Variants in ARID3B observed in about 807,000 individuals in gnomAD.
The protein encoded by ARID3B is AT-rich interactive domain-containing protein 3B.
A neutral mutation model predicts 51.9 loss-of-function variants in ARID3B; 10 were observed. The observed-to-expected ratio is 0.19, with a 90% confidence interval of 0.12 to 0.33. The LOEUF is 0.33. Ranked by LOEUF, ARID3B falls within the 10% of genes least tolerant of loss-of-function variation. ARID3B has a pLI of 1.00. For missense variants in ARID3B, 483 were observed against 716.3 expected, an observed-to-expected ratio of 0.67 and a Z score of 3.72; for synonymous variants, 205 against 279.5, an observed-to-expected ratio of 0.73 and a Z score of 2.66.
At chr15:74,556,786 T>G (rs887937723) in intron 2 of ARID3B, among the ~76,000 whole-genome samples, 2 of 148,118 alleles carry the variant, frequency 1.4e-5, no homozygotes, top group African/African-American at 5.0e-5. Flanking sequence ...GTTTTTTTTT[T>G]TTTTTTGAGA....
At chr15:74,568,572 A>G (rs1207509666) in intron 2 of ARID3B, among the ~76,000 whole-genome samples, 1 of 152,230 alleles carries the variant, frequency 6.6e-6, no homozygotes, top group African/African-American at 2.4e-5. Context: ...AATCCTTAGT[A>G]TGCAGAAGGC....
intron 2 of ARID3B, among the ~76,000 whole-genome samples, chr15:74,552,945 T>C (rs1282768014): frequency 6.6e-6 from 1 of 152,102 alleles, no homozygotes; most frequent in African/African-American, 2.4e-5. Context: ...TCTGGGTAAA[T>C]ACCAAGAAGC....
intron 4 of ARID3B, among the ~76,000 whole-genome samples, chr15:74,583,712 G>C (rs2061769865): frequency 6.7e-6 from 1 of 149,350 alleles, no homozygotes; most frequent in African/African-American, 2.5e-5. Flanking sequence ...GCGAGACTCT[G>C]TCTCAAAAAA....
At chr15:74,592,418 C>T (rs2061807218) in intron 7 of ARID3B, among the ~76,000 whole-genome samples, 1 of 152,206 alleles carries the variant, frequency 6.6e-6, no homozygotes, top group Non-Finnish European at 1.5e-5. Flanking sequence ...TCAAAGCAAA[C>T]ATGAATGAGA....
intron 2 of ARID3B, among the ~76,000 whole-genome samples, chr15:74,570,441 C>G (rs1472647410): frequency 8.8e-6 from 1 of 113,356 alleles, no homozygotes; most frequent in Non-Finnish European, 1.7e-5. Context: ...ATTCAGAGTG[C>G]TTGGAAGTTA....
intron 2 of ARID3B, among the ~76,000 whole-genome samples, chr15:74,548,556 G>T (rs558708388): frequency 1.3e-5 from 2 of 152,290 alleles, no homozygotes; most frequent in East Asian, 3.9e-4. Context: ...TGTTTTACAA[G>T]ATTTTGTTTT....
Position 74,591,304 on chromosome 15 carries a change from TGCTGCC to T in ARID3B, c.1043_1048del (p.Ala348_Ala349del), listed in dbSNP as rs760995922. ...GCTACTCACCTGCTGCGGCTACTGC[TGCTGCC>T]GCTGCCGGGGCCCCTGCCCTTCTCT... On this transcript the variant is annotated inframe_deletion, in exon 6 of 9. Coordinates refer to ENST00000346246, the MANE Select transcript of ARID3B (RefSeq NM_006465.4). This position sits in a 1 kb window ranked among gnomAD's most constrained non-coding sequence, Gnocchi z 5.8. The T allele has an allele frequency of 6.2e-7, 1 of 1,613,548 alleles. No individual in the cohort carries two copies. The highest frequency in any genetic ancestry group is 1.3e-5 in the African/African-American group (1 of 74,932).
intron 2 of ARID3B, among the ~76,000 whole-genome samples, chr15:74,568,779 C>G (rs555722953): frequency 1.3e-5 from 2 of 152,214 alleles, no homozygotes; most frequent in South Asian, 4.1e-4. Context: ...GCTGAGAAGG[C>G]TGTAAATGGC....
intron 5 of ARID3B, among the ~76,000 whole-genome samples, chr15:74,590,798 AG>A (rs1209830319): frequency 6.6e-6 from 1 of 152,216 alleles, no homozygotes; most frequent in Non-Finnish European, 1.5e-5. Context: ...CTATCTGACT[AG>A]CCCAGCTCTG....
At chr15:74,594,775 CATGCT>C (rs2061818052) in intron 8 of ARID3B, among the ~76,000 whole-genome samples, 1 of 152,208 alleles carries the variant, frequency 6.6e-6, no homozygotes, top group Admixed American at 6.5e-5. Flanking sequence ...GCTCACCAGT[CATGCT>C]ATGTCTGCAG....
chr15:74,542,668 T>C (rs2061599304), intron 1 of ARID3B, among the ~76,000 whole-genome samples: 1 of 152,258 alleles, frequency 6.6e-6, no homozygotes, highest in Non-Finnish European at 1.5e-5. Flanking sequence ...ACAATGCAGA[T>C]ATCAAGTCCC....
chr15:74,569,339 C>CATTATT (rs537321709), intron 2 of ARID3B, among the ~76,000 whole-genome samples: 64 of 151,696 alleles, frequency 4.2e-4, no homozygotes, highest in South Asian at 1.5e-3. Context: ...GCTCCCTCTT[C>CATTATT]ATTATTATTA....
At chr15:74,593,857 A>G (rs1454578391) in intron 8 of ARID3B, among the ~76,000 whole-genome samples, 2 of 151,818 alleles carry the variant, frequency 1.3e-5, no homozygotes, top group East Asian at 3.9e-4. Flanking sequence ...CCTGAGCAAC[A>G]TAGCAAAATC....
intron 2 of ARID3B, 25 bp from the exon 3 acceptor site, chr15:74,572,837 A>C (rs760765178): frequency 1.2e-6 from 2 of 1,612,532 alleles, no homozygotes; most frequent in South Asian, 2.2e-5. Context: ...TGCCCCTCTC[A>C]ACTTTGTGTT....
chr15:74,566,381 C>T (rs948726788), intron 2 of ARID3B, among the ~76,000 whole-genome samples: 1 of 152,038 alleles, frequency 6.6e-6, no homozygotes, highest in Admixed American at 6.6e-5. Context: ...GGGCAGATCA[C>T]CTGAGGTCAG....
intron 2 of ARID3B, 55 bp from the exon 3 acceptor site, chr15:74,572,807 C>T: frequency 6.4e-7 from 1 of 1,559,522 alleles, no homozygotes; most frequent in Non-Finnish European, 8.8e-7. Flanking sequence ...TGCCCTCTGT[C>T]CTAACTCTTT....
In ARID3B at chr15:74,546,547, G is replaced by A. The variant is rs576751758; in HGVS notation, c.552+2059G>A. Among the ~76,000 whole-genome samples the A allele has an allele frequency of 7.9e-5, 12 of 152,368 alleles. 1 individual carries two copies. Among genetic ancestry groups the A allele is most frequent in the South Asian group, 6.2e-4 (3 of 4,832 alleles). On this transcript the variant is annotated intron_variant, in intron 2 of 8. Coordinates refer to ENST00000346246, the MANE Select transcript of ARID3B (RefSeq NM_006465.4). ...AGAACTGGCGTGTGCATGTGCACACGTGTGCACCGTGGCAGGGCACCCAGC... is the reference window on the plus strand; with the variant it reads ...AGAACTGGCGTGTGCATGTGCACACATGTGCACCGTGGCAGGGCACCCAGC...
chr15:74,549,459 C>G (rs996611562), intron 2 of ARID3B, among the ~76,000 whole-genome samples: 21 of 147,300 alleles, frequency 1.4e-4, no homozygotes, highest in Non-Finnish European at 3.0e-4. Flanking sequence ...CCAACTACTT[C>G]GGCAGGCTGA....
At position 74,597,204 on chromosome 15, in the gene ARID3B, C is replaced by T. The variant is rs1162273936; in HGVS notation, c.*1430C>T. On this transcript the variant is annotated 3_prime_UTR_variant, in exon 9 of 9. Coordinates refer to ENST00000346246, the MANE Select transcript of ARID3B (RefSeq NM_006465.4). Reference sequence around the variant, plus strand: ...GAATAACTCCACAGCTCCTCCTGGACCCTGCGCGGGAGCAGGCAGCTCCTG... The same window carrying T: ...GAATAACTCCACAGCTCCTCCTGGATCCTGCGCGGGAGCAGGCAGCTCCTG... 2 of 354,200 alleles carry T rather than the reference C, an allele frequency of 5.6e-6. No homozygotes were observed. Among genetic ancestry groups the T allele is most frequent in the Admixed American group, 9.4e-5 (2 of 21,368 alleles). The allele number at this position is 354,200 out of a possible 1,614,324, so 21.9% of individuals were successfully genotyped here.
Sources: allele counts gnomAD v4.1 joint callset (sites outside exome capture counted in the v4.1 genomes callset), GRCh38; gene constraint gnomAD v4.1.1; non-coding constraint Gnocchi (gnomAD v3.1); transcripts MANE v1.5; gene names NCBI Gene and HGNC (gene_info 2026-07-23, HGNC 2026-07-21).